Variants in TMEM178B observed in about 807,000 individuals in gnomAD.
TMEM178B encodes the protein transmembrane protein 178B.
Under a neutral mutation model 31.0 loss-of-function variants are expected in TMEM178B, and 5 were observed. The observed-to-expected ratio is 0.16, with a 90% CI of 0.08 to 0.34. The LOEUF (loss-of-function observed/expected upper bound fraction) is 0.34. Among genes scored for constraint, TMEM178B ranks in the 10% least tolerant of loss-of-function variants. The pLI is 1.00. For synonymous variants in TMEM178B, 164 were observed against 164.0 expected (o/e 1.00, Z 0.00); for missense variants, 275 against 400.3 (o/e 0.69, Z 2.67).
intron 3 of TMEM178B, among the ~76,000 whole-genome samples, chr7:141,459,063 C>T (rs1013911055): frequency 6.6e-6 from 1 of 152,212 alleles, no homozygotes; most frequent in Non-Finnish European, 1.5e-5. Flanking sequence ...GAGTTTCACT[C>T]TTATTGCCCA....
At chr7:141,123,434 A>G (rs1180449643) in intron 1 of TMEM178B, among the ~76,000 whole-genome samples, 1 of 152,220 alleles carries the variant, frequency 6.6e-6, no homozygotes, top group African/African-American at 2.4e-5. Flanking sequence ...CCTCCTCATC[A>G]CATTATCCCC....
intron 2 of TMEM178B, among the ~76,000 whole-genome samples, chr7:141,340,399 C>T (rs891786881): frequency 6.6e-6 from 1 of 152,228 alleles, no homozygotes; most frequent in South Asian, 2.1e-4. Context: ...CTGAGATACT[C>T]ATTTCTTCAG....
intron 2 of TMEM178B, among the ~76,000 whole-genome samples, chr7:141,228,418 A>G (rs1484896709): frequency 1.3e-5 from 2 of 151,680 alleles, no homozygotes; most frequent in Non-Finnish European, 1.5e-5. Flanking sequence ...ATTCTCATCT[A>G]GGGGTCATGA....
intron 2 of TMEM178B, among the ~76,000 whole-genome samples, chr7:141,238,377 C>T (rs1301308662): frequency 1.3e-5 from 2 of 152,230 alleles, no homozygotes; most frequent in South Asian, 2.1e-4. Context: ...AAGAGACCTT[C>T]GGGAGCCTGG....
At chr7:141,429,767 T>C (rs1276852478) in intron 2 of TMEM178B, 2 of 152,230 alleles carry the variant, frequency 1.3e-5, no homozygotes, top group Non-Finnish European at 2.9e-5. Context: ...CTTTGCATTT[T>C]GTATATGTAC....
chr7:141,383,150 T>G (rs1007654833), intron 2 of TMEM178B, among the ~76,000 whole-genome samples: 3 of 148,648 alleles, frequency 2.0e-5, no homozygotes, highest in Non-Finnish European at 3.0e-5. Flanking sequence ...TTTATTTTCT[T>G]TCTTTCTTTC....
intron 1 of TMEM178B, among the ~76,000 whole-genome samples, chr7:141,185,516 T>G (rs999825768): frequency 6.6e-6 from 1 of 152,230 alleles, no homozygotes; most frequent in African/African-American, 2.4e-5. Context: ...GTTGGTGTGC[T>G]CCCAACATGC....
rs950353756 is a variant in TMEM178B at position 141,171,892 on chromosome 7, G to T, written c.383-40699G>T. On this transcript the variant is annotated intron_variant, in intron 1 of 3. Transcript: ENST00000565468. This position sits in a 1 kb window ranked among gnomAD's most constrained non-coding sequence, Gnocchi z 4.3. ...AAGGGCAATGGCAAGAGGCATGTGT[G>T]CCTTCAGGTCTTGTTGGAGCCTCTA... 1.3e-5 allele frequency among the ~76,000 whole-genome samples: 2 copies of T among 152,222 alleles called. No homozygotes were observed. Among genetic ancestry groups the T allele is most frequent in the Non-Finnish European group, 2.9e-5 (2 of 68,044 alleles).
intron 2 of TMEM178B, among the ~76,000 whole-genome samples, chr7:141,261,220 T>C (rs1349699377): frequency 6.6e-6 from 1 of 152,196 alleles, no homozygotes; most frequent in Non-Finnish European, 1.5e-5. Flanking sequence ...TTGAATGCCC[T>C]GTTCGTGAGG....
At chr7:141,498,625 T>C in the TMEM178B span, among the ~76,000 whole-genome samples, 1 of 152,368 alleles carries the variant, frequency 6.6e-6, no homozygotes, top group East Asian at 1.9e-4. Context: ...CTGTGTTTGA[T>C]AGTTAAAGAT....
intron 2 of TMEM178B, among the ~76,000 whole-genome samples, chr7:141,317,484 G>A (rs1316137102): frequency 1.3e-5 from 2 of 152,124 alleles, no homozygotes; most frequent in East Asian, 1.9e-4. Context: ...TTTAATTAGC[G>A]TAAACAACTT....
intron 2 of TMEM178B, among the ~76,000 whole-genome samples, chr7:141,350,314 G>T (rs947860676): frequency 2.6e-5 from 4 of 151,674 alleles, no homozygotes; most frequent in African/African-American, 9.7e-5. Flanking sequence ...CCTTGACCAG[G>T]GTTAATTTCA....
At chr7:141,193,281 G>A (rs1796726958) in intron 1 of TMEM178B, among the ~76,000 whole-genome samples, 1 of 152,202 alleles carries the variant, frequency 6.6e-6, no homozygotes, top group South Asian at 2.1e-4. Flanking sequence ...GCAACCTGAG[G>A]CCTTGCAAAA....
Position 141,437,666 on chromosome 7 carries a change from C to T in TMEM178B, c.555C>T (p.Gly185=). The part of the protein sequence containing the change: ...MGMAVAIILF[G]WIIGVLGCCW... ...TGGCGGTGGCCATCATCCTCTTTGG[C>T]TGGATCATCGGCGTGCTGGGCTGCT... The change falls in exon 3 of 4, where the codon GGC becomes GGT. Residue 185 remains glycine (G), a synonymous_variant. Transcript: ENST00000565468. The T allele has an allele frequency of 6.5e-7, 1 of 1,536,166 alleles. No homozygotes were observed. The highest frequency in any genetic ancestry group is 8.7e-7 in the Non-Finnish European group (1 of 1,146,906).
At chr7:141,405,893 G>C (rs1418639239) in intron 2 of TMEM178B, among the ~76,000 whole-genome samples, 1 of 152,190 alleles carries the variant, frequency 6.6e-6, no homozygotes, top group Non-Finnish European at 1.5e-5. Context: ...CATTTTAATG[G>C]ATGTGTCAGG....
At chr7:141,219,891 T>C (rs112432098) in intron 2 of TMEM178B, among the ~76,000 whole-genome samples, 4,189 of 152,308 alleles carry the variant, frequency 0.028, 175 homozygotes, top group African/African-American at 0.095. Context: ...GCTTACTGAT[T>C]TGATGAACAT....
intron 2 of TMEM178B, among the ~76,000 whole-genome samples, chr7:141,348,924 G>A (rs1377371962): frequency 6.6e-6 from 1 of 152,138 alleles, no homozygotes; most frequent in African/African-American, 2.4e-5. Flanking sequence ...AGTGACTGGC[G>A]GGGTTCATGA....
chr7:141,236,352 G>C (rs11762039), intron 2 of TMEM178B, among the ~76,000 whole-genome samples: 1 of 151,988 alleles, frequency 6.6e-6, no homozygotes, highest in Admixed American at 6.6e-5. Flanking sequence ...GTGTGCAAGT[G>C]GGGTGGGGTT....
At position 141,217,190 on chromosome 7, in the gene TMEM178B, G is replaced by A. The variant is rs555288830; in HGVS notation, c.496+4486G>A. On this transcript the variant is annotated intron_variant, in intron 2 of 3. Coordinates refer to ENST00000565468, the MANE Select transcript of TMEM178B (RefSeq NM_001195278.2). ...GTAGCAGTGCTTGTTTGGAGAGTTCGGTGTCCTTGCATGACCCCCAGGAGC... is the reference window on the plus strand; with the variant it reads ...GTAGCAGTGCTTGTTTGGAGAGTTCAGTGTCCTTGCATGACCCCCAGGAGC... Among the ~76,000 whole-genome samples, 88 of 152,196 alleles carry A rather than the reference G, an allele frequency of 5.8e-4. 1 individual carries two copies. Among genetic ancestry groups the A allele is most frequent in the Admixed American group, 1.2e-3 (18 of 15,292 alleles).
Sources: allele counts gnomAD v4.1 joint callset (sites outside exome capture counted in the v4.1 genomes callset), GRCh38; gene constraint gnomAD v4.1.1; non-coding constraint Gnocchi (gnomAD v3.1); transcripts MANE v1.5; gene names NCBI Gene and HGNC (gene_info 2026-07-23, HGNC 2026-07-21).